Variants in CYFIP2 observed in about 807,000 individuals in gnomAD.
CYFIP2 encodes cytoplasmic FMR1 interacting protein 2.
Under a neutral mutation model 158.7 loss-of-function variants are expected in CYFIP2, and 29 were observed. The ratio of observed to expected loss-of-function variants is 0.18; its 90% CI spans 0.14 to 0.25. CYFIP2 has a LOEUF of 0.25. Ranked by LOEUF, CYFIP2 falls within the 10% of genes least tolerant of loss-of-function variation. The pLI, the probability that CYFIP2 is intolerant of heterozygous loss-of-function variation, is 1.00. For missense variants in CYFIP2, 852 were observed against 1,639.5 expected (o/e 0.52, Z 8.29); for synonymous variants, 585 against 617.6 (o/e 0.95, Z 0.78).
chr5:157,316,691 G>A (rs972278648), intron 13 of CYFIP2, among the ~76,000 whole-genome samples: 1 of 152,152 alleles, frequency 6.6e-6, no homozygotes, highest in Non-Finnish European at 1.5e-5. Context: ...AGCTCTCAGA[G>A]CCTCAGATTC....
At chr5:157,307,636 G>GGGGTGTGTGTGTGTGT (rs1554110252) in intron 8 of CYFIP2, 125 bp from the exon 9 acceptor site, 1 of 395,136 alleles carries the variant, frequency 2.5e-6, no homozygotes, top group African/African-American at 2.1e-5. Context: ...GTCTCTACAG[G>GGGGTGTGTGTGTGTGT]GTGTGTGTGT....
intron 26 of CYFIP2, among the ~76,000 whole-genome samples, chr5:157,368,391 A>G (rs1764634983): frequency 6.6e-6 from 1 of 152,152 alleles, no homozygotes; most frequent in South Asian, 2.1e-4. Context: ...CACTCCATAC[A>G]CCCACCTGTG....
chr5:157,375,254 G>A (rs1042281152), intron 26 of CYFIP2, among the ~76,000 whole-genome samples: 4 of 152,186 alleles, frequency 2.6e-5, no homozygotes, highest in East Asian at 1.9e-4. Flanking sequence ...CATAGCTCTG[G>A]TTTATCACCC....
intron 19 of CYFIP2, among the ~76,000 whole-genome samples, chr5:157,329,471 A>T (rs753163658): frequency 2.6e-5 from 4 of 152,226 alleles, no homozygotes; most frequent in Non-Finnish European, 5.9e-5. Flanking sequence ...AGGTTGAGAG[A>T]TTCAGGGAAA....
chr5:157,332,572 A>G lies in CYFIP2; in HGVS notation c.2266-755A>G, dbSNP rs1326065451. On this transcript the variant is annotated intron_variant, in intron 20 of 30. Coordinates refer to ENST00000620254, the MANE Select transcript of CYFIP2 (RefSeq NM_001037333.3). ...TCTAAATACAGTTCCCATTCGTCCC[A>G]GTTATGTCCTTTGTAATTTTAATCC... Among the ~76,000 whole-genome samples, 17 of 152,338 alleles carry G rather than the reference A, an allele frequency of 1.1e-4. No individual in the cohort carries two copies. The East Asian group carries it at 3.3e-3, about 29-fold the overall frequency.
chr5:157,361,436 C>T lies in CYFIP2; in HGVS notation c.2909-32C>T. 2 of 1,613,158 alleles carry T rather than the reference C, an allele frequency of 1.2e-6. No homozygotes were observed. Among genetic ancestry groups the T allele is most frequent in the Non-Finnish European group, 1.7e-6 (2 of 1,179,708 alleles). On this transcript the variant is annotated intron_variant, in intron 25 of 30. Coordinates refer to ENST00000620254, the MANE Select transcript of CYFIP2 (RefSeq NM_001037333.3). This position sits in a 1 kb window ranked among gnomAD's most constrained non-coding sequence, Gnocchi z 4.4. ...CATAGACCCTACTGAGCAGTGTCAA[C>T]TTCCCACTGACCACCCCGATTCACC...
intron 17 of CYFIP2, chr5:157,325,840 C>T (rs1760980677): frequency 5.2e-6 from 3 of 571,584 alleles, no homozygotes; most frequent in Admixed American, 3.5e-5. Context: ...GCCCAACTGC[C>T]CTTCCTATGC....
At chr5:157,298,328 T>A (rs911001082) in intron 5 of CYFIP2, among the ~76,000 whole-genome samples, 1 of 151,848 alleles carries the variant, frequency 6.6e-6, no homozygotes, top group Non-Finnish European at 1.5e-5. Context: ...CGACAATCAG[T>A]TTTATTTATT....
At chr5:157,307,622 G>A in intron 8 of CYFIP2, 139 bp from the exon 9 acceptor site, 1 of 398,064 alleles carries the variant, frequency 2.5e-6, no homozygotes, top group Non-Finnish European at 4.3e-6. Flanking sequence ...ATAATATAAT[G>A]TGTGTCTCTA....
At chr5:157,371,277 C>T (rs1015993823) in intron 26 of CYFIP2, among the ~76,000 whole-genome samples, 2 of 152,200 alleles carry the variant, frequency 1.3e-5, no homozygotes, top group Non-Finnish European at 2.9e-5. Context: ...CCCCGTCCCC[C>T]TCCTGCCAGA....
At chr5:157,270,639 G>T (rs1438360732) in intron 1 of CYFIP2, among the ~76,000 whole-genome samples, 2 of 152,212 alleles carry the variant, frequency 1.3e-5, no homozygotes, top group East Asian at 3.8e-4. Flanking sequence ...CTCCAAGTCT[G>T]TTATACTTCC....
chr5:157,271,829 C>T (rs927037698), intron 1 of CYFIP2, among the ~76,000 whole-genome samples: 7 of 152,162 alleles, frequency 4.6e-5, no homozygotes, highest in African/African-American at 1.7e-4. Context: ...GACCTGAAGC[C>T]CTCCTCTTTG....
rs557664158 is a variant in CYFIP2, at chr5:157,288,236, G to C, written c.207+1128G>C. Reference sequence around the variant, plus strand: ...ACATGGGTGGCAGAGAAAGGGAAGGGGTCCAAACTCATCCTTTATGAGGAA... The same window carrying C: ...ACATGGGTGGCAGAGAAAGGGAAGGCGTCCAAACTCATCCTTTATGAGGAA... On this transcript the variant is annotated intron_variant, in intron 3 of 30. Coordinates refer to ENST00000620254, the MANE Select transcript of CYFIP2 (RefSeq NM_001037333.3). Among the ~76,000 whole-genome samples the C allele has an allele frequency of 3.3e-5, 5 of 152,166 alleles. 1 individual carries two copies. Among genetic ancestry groups the C allele is most frequent in the Admixed American group, 1.3e-4 (2 of 15,284 alleles).
intron 23 of CYFIP2, among the ~76,000 whole-genome samples, chr5:157,352,853 G>A (rs1327603074): frequency 3.3e-5 from 5 of 152,164 alleles, no homozygotes; most frequent in Admixed American, 3.3e-4. Context: ...GCTATCGTAA[G>A]TGTCATAAGG....
chr5:157,367,750 A>AC (rs1377153678), intron 26 of CYFIP2, among the ~76,000 whole-genome samples: 2 of 108,854 alleles, frequency 1.8e-5, no homozygotes, highest in East Asian at 2.2e-4. Context: ...ACCTCTGTTC[A>AC]CTTTTTTTTT....
Position 157,332,822 on chromosome 5 carries a change from T to G in CYFIP2, c.2266-505T>G, listed in dbSNP as rs1444405657. ...ACCACACCTGGCTAATTTTTTTTAT[T>G]TTTTGTAGAGACAGATTCTTACTGT... On this transcript the variant is annotated intron_variant, in intron 20 of 30. Coordinates refer to ENST00000620254, the MANE Select transcript of CYFIP2 (RefSeq NM_001037333.3). 2.6e-5 allele frequency among the ~76,000 whole-genome samples: 4 copies of G among 152,294 alleles called. No individual in the cohort carries two copies. In the East Asian group the frequency reaches 7.7e-4, roughly 29 times the overall value.
rs113792202 is a variant in CYFIP2 at position 157,266,828 on chromosome 5, C to A, written c.-24+633C>A. The stretch of plus-strand genomic sequence containing the variant: ...TCGCTCACCAAGCTGGCTGCGGGCA[C>A]GGTGGAAGTGGGGGAAGGGGATGAG... On this transcript the variant is annotated intron_variant, in intron 1 of 30. Transcript: ENST00000620254. The surrounding 1 kb of genome is among the most constrained non-coding windows in gnomAD (Gnocchi z 4.2). 0.039 allele frequency: 5,981 copies of A among 152,782 alleles called. 162 individuals are homozygous for A. Among genetic ancestry groups the A allele is most frequent in the South Asian group, 0.11 (545 of 4,826 alleles). The allele number at this position is 152,782 out of a possible 1,614,324, so 9.5% of individuals were successfully genotyped here. A position where few individuals can be genotyped will look rare whatever the true frequency, so the allele number is the denominator to read the frequency against.
chr5:157,317,891 C>A (rs762387695), intron 13 of CYFIP2, among the ~76,000 whole-genome samples: 1 of 152,114 alleles, frequency 6.6e-6, no homozygotes, highest in Non-Finnish European at 1.5e-5. Context: ...TCCACAAGCT[C>A]TCTTCTTTCC....
intron 3 of CYFIP2, among the ~76,000 whole-genome samples, chr5:157,294,311 G>T (rs919662656): frequency 6.6e-6 from 1 of 152,222 alleles, no homozygotes; most frequent in Non-Finnish European, 1.5e-5. Flanking sequence ...CAGCTTGGAG[G>T]TTAGAAGCAA....
Sources: allele counts gnomAD v4.1 joint callset (sites outside exome capture counted in the v4.1 genomes callset), GRCh38; gene constraint gnomAD v4.1.1; non-coding constraint Gnocchi (gnomAD v3.1); transcripts MANE v1.5; gene names NCBI Gene and HGNC (gene_info 2026-07-23, HGNC 2026-07-21).